The following CNTNAP3B variants were observed in gnomAD, a reference collection of about 807,000 sequenced individuals.
CNTNAP3B encodes the protein contactin-associated protein-like 3B.
A neutral mutation model predicts 108.9 loss-of-function variants in CNTNAP3B; 25 were observed. The ratio of observed to expected loss-of-function variants is 0.23; its 90% CI spans 0.17 to 0.32. CNTNAP3B has a LOEUF of 0.32. CNTNAP3B is among the 10% of genes least tolerant of loss of function. The pLI, the probability that CNTNAP3B is intolerant of heterozygous loss-of-function variation, is 1.00. For missense variants in CNTNAP3B, 252 were observed against 1,210.4 expected (o/e 0.21, Z 11.75); for synonymous variants, 103 against 473.4 (o/e 0.22, Z 10.16).
chr9:41,963,920 A>G (rs1564161011), intron 11 of CNTNAP3B, among the ~76,000 whole-genome samples: 1 of 152,424 alleles, frequency 6.6e-6, no homozygotes, highest in Admixed American at 6.5e-5. Flanking sequence ...GAGGGCTGAC[A>G]TAAGTACTCA....
intron 11 of CNTNAP3B, among the ~76,000 whole-genome samples, chr9:41,962,912 G>C (rs1470808767): frequency 6.6e-6 from 1 of 151,726 alleles, no homozygotes; most frequent in Non-Finnish European, 1.5e-5. Context: ...CTGAGATCAT[G>C]ACACTGGGCT....
chr9:41,948,466 G>C (rs773568300), intron 13 of CNTNAP3B, among the ~76,000 whole-genome samples: 1 of 149,502 alleles, frequency 6.7e-6, no homozygotes, highest in Non-Finnish European at 1.5e-5. Context: ...CAGGAGACTA[G>C]AGAATGCTAC....
At chr9:41,934,387 A>AT (rs1176006253) in intron 14 of CNTNAP3B, among the ~76,000 whole-genome samples, 53 of 152,228 alleles carry the variant, frequency 3.5e-4, no homozygotes, top group Non-Finnish European at 7.1e-4. Context: ...CCTGGCTAAT[A>AT]TTTTTTGTAT....
chr9:41,997,733 A>G lies in CNTNAP3B; in HGVS notation c.762T>C (p.Ser254=), dbSNP rs62554983. The change falls in exon 6 of 24, where the codon TCT becomes TCC. Residue 254 remains serine (S), a synonymous_variant. Coordinates refer to ENST00000377561, the MANE Select transcript of CNTNAP3B (RefSeq NM_001201380.3). Reference sequence around the variant, plus strand: ...GGGTGAGGGTCACAGGAGCAATAGTAGAAGGCAGCTTAGCATTGCCTTAAA... The same window carrying G: ...GGGTGAGGGTCACAGGAGCAATAGTGGAAGGCAGCTTAGCATTGCCTTAAA... The part of the protein sequence containing the change: ...FLNSGNAKLP[S]TIAPVTLTLG... 691,157 of 792,794 alleles carry G rather than the reference A, an allele frequency of 0.87. 326,721 individuals carry two copies. The highest frequency in any genetic ancestry group is 0.94 in the East Asian group (33,761 of 35,814). The allele number at this position is 792,794 out of a possible 1,614,324, so 49.1% of individuals were successfully genotyped here. A position where few individuals can be genotyped will look rare whatever the true frequency, so the allele number is the denominator to read the frequency against.
Position 42,124,359 on chromosome 9 carries a change from T to C in CNTNAP3B, c.85+4651A>G, listed in dbSNP as rs1032280184. On this transcript the variant is annotated intron_variant, in intron 1 of 23. Transcript: ENST00000377561. ...ATTTTTTAGAAAACTAGATTTACTG[T>C]AGTCCTGTTAAGGCTATCATAGTAA... 5.1e-5 allele frequency among the ~76,000 whole-genome samples: 7 copies of C among 136,496 alleles called. 1 individual carries two copies. The highest frequency in any genetic ancestry group is 7.8e-5 in the Non-Finnish European group (5 of 64,300). 89.5% of individuals were successfully genotyped at this position (136,496 alleles called of 152,430 possible).
intron 7 of CNTNAP3B, among the ~76,000 whole-genome samples, chr9:41,992,201 C>T (rs1271965978): frequency 1.7e-5 from 2 of 119,858 alleles, no homozygotes; most frequent in East Asian, 4.8e-4. Flanking sequence ...CCTGAGGATA[C>T]AGCAAATAAC....
chr9:42,003,120 C>T (rs1466532076), intron 4 of CNTNAP3B, among the ~76,000 whole-genome samples: 1 of 138,606 alleles, frequency 7.2e-6, no homozygotes, highest in African/African-American at 2.8e-5. Context: ...AATTCCTGGG[C>T]TCAAGCAATC....
In CNTNAP3B at chr9:41,953,344, G is replaced by T. The variant is rs530440840; in HGVS notation, c.1919C>A (p.Ala640Glu). 6 of 1,552,696 alleles carry T rather than the reference G, an allele frequency of 3.9e-6. No homozygotes were observed. The highest frequency in any genetic ancestry group is 1.2e-5 in the South Asian group (1 of 85,444). ...GCTGGGGGCACCTCGGAGGGTCACC[G>T]CGTCGGGGCCACCGTGCCGCACCAC... ...WTVVRHGGPDAVTLRGAPSGH... is the reference protein window; with the variant it reads ...WTVVRHGGPDEVTLRGAPSGH... The change falls in exon 13 of 24, where the codon GCG becomes GAG. Residue 640 changes from alanine (A) to glutamate (E), a missense_variant. Coordinates refer to ENST00000377561, the MANE Select transcript of CNTNAP3B (RefSeq NM_001201380.3).
chr9:41,961,988 C>T (rs1048382926), intron 11 of CNTNAP3B, among the ~76,000 whole-genome samples: 2 of 152,284 alleles, frequency 1.3e-5, no homozygotes, highest in Non-Finnish European at 2.9e-5. Context: ...AATAACAATA[C>T]TTAAATATAG....
intron 15 of CNTNAP3B, among the ~76,000 whole-genome samples, chr9:41,926,502 C>T (rs949418361): frequency 1.4e-4 from 22 of 152,408 alleles, no homozygotes; most frequent in African/African-American, 5.3e-4. Context: ...CACTTTGTCA[C>T]CCAGGCTGGA....
chr9:42,042,988 T>C (rs1326761724), intron 3 of CNTNAP3B, among the ~76,000 whole-genome samples: 7 of 148,776 alleles, frequency 4.7e-5, no homozygotes, highest in Non-Finnish European at 3.0e-5. Context: ...CAAATTCAAA[T>C]CATCATCATC....
chr9:41,992,704 T>TGGA (rs1825832559), intron 7 of CNTNAP3B, among the ~76,000 whole-genome samples: 4 of 95,846 alleles, frequency 4.2e-5, no homozygotes, highest in Middle Eastern at 6.7e-3. Flanking sequence ...CCGGCAGAAT[T>TGGA]TCAGAAATAA....
chr9:41,952,545 G>A (rs1354729515), intron 13 of CNTNAP3B, among the ~76,000 whole-genome samples: 3 of 152,238 alleles, frequency 2.0e-5, no homozygotes, highest in African/African-American at 7.2e-5. Context: ...AAAGGAGGGG[G>A]AAGTTGGTCT....
chr9:41,921,050 G>T (rs1348876996), intron 17 of CNTNAP3B, among the ~76,000 whole-genome samples: 1 of 152,300 alleles, frequency 6.6e-6, no homozygotes, highest in East Asian at 1.9e-4. Context: ...ATTACCTAGA[G>T]TTTCTGGAAA....
chr9:42,112,448 C>G (rs1386210899), intron 1 of CNTNAP3B, among the ~76,000 whole-genome samples: 2 of 139,074 alleles, frequency 1.4e-5, no homozygotes, highest in Non-Finnish European at 3.1e-5. Flanking sequence ...GAGAAAGGAG[C>G]CTTGCCTGCT....
At chr9:41,923,161 A>AC (rs1286871828) in intron 16 of CNTNAP3B, among the ~76,000 whole-genome samples, 1 of 138,130 alleles carries the variant, frequency 7.2e-6, no homozygotes, top group Non-Finnish European at 1.6e-5. Flanking sequence ...TAGCTGGACT[A>AC]CCCATAGCTA....
chr9:41,983,324 C>A (rs1270323676), intron 9 of CNTNAP3B: 2 of 92,328 alleles, frequency 2.2e-5, no homozygotes, highest in Non-Finnish European at 4.4e-5. Context: ...CTTTCTGGAC[C>A]TATTCAATCT....
chr9:41,927,502 C>T (rs1334771546), intron 15 of CNTNAP3B, among the ~76,000 whole-genome samples: 14 of 149,224 alleles, frequency 9.4e-5, no homozygotes, highest in Non-Finnish European at 1.9e-4. Context: ...AGTATAAAAG[C>T]CAGACTGAAT....
At chr9:41,913,886 A>G (rs1427669040) in intron 18 of CNTNAP3B, among the ~76,000 whole-genome samples, 3 of 82,580 alleles carry the variant, frequency 3.6e-5, no homozygotes, top group African/African-American at 1.8e-4. Flanking sequence ...CATTATATGT[A>G]TACACTACAT....
Sources: gnomAD v4.1 joint callset for allele counts (sites outside exome capture counted in the v4.1 genomes callset) on GRCh38, gnomAD v4.1.1 for gene constraint, MANE v1.5 for transcripts, NCBI Gene and HGNC (gene_info 2026-07-23, HGNC 2026-07-21) for gene names.